The following PAK4 variants were observed in gnomAD, a reference collection of about 807,000 sequenced individuals.
The protein encoded by PAK4 is serine/threonine-protein kinase PAK 4.
Under a neutral mutation model 53.5 loss-of-function variants are expected in PAK4, and 49 were observed. The observed-to-expected ratio is 0.92, with a 90% confidence interval of 0.73 to 1.16. The LOEUF is 1.16. Ranked by LOEUF, PAK4 falls within the 50% of genes most tolerant of loss-of-function variation. PAK4 has a pLI of 0.00. For missense variants in PAK4, 824 were observed against 850.7 expected (o/e 0.97, Z 0.39); for synonymous variants, 376 against 375.6 (o/e 1.00, Z -0.01).
At chr19:39,181,928 C>T (rs2074704077), downstream of PAK4, 1 of 152,182 alleles carries the variant, frequency 6.6e-6, no homozygotes, top group South Asian at 2.1e-4. Context: ...AGTGTGGTTC[C>T]CAGACCAGCA....
intron 1 of PAK4, among the ~76,000 whole-genome samples, chr19:39,151,278 C>T (rs2074089837): frequency 6.6e-6 from 1 of 152,166 alleles, no homozygotes; most frequent in Admixed American, 6.6e-5. Context: ...ATGCTCAACC[C>T]TACTAAATAG....
chr19:39,171,036 G>C (rs1027662201), intron 2 of PAK4, among the ~76,000 whole-genome samples: 5 of 152,218 alleles, frequency 3.3e-5, no homozygotes, highest in African/African-American at 1.2e-4. Flanking sequence ...CCCAGCCCCT[G>C]CCTGGCTTGC....
At chr19:39,154,005 T>C (rs1213501821) in intron 1 of PAK4, among the ~76,000 whole-genome samples, 4 of 152,172 alleles carry the variant, frequency 2.6e-5, no homozygotes, top group African/African-American at 9.7e-5. Context: ...GGATGGAGTA[T>C]TGTTCGATGT....
chr19:39,174,034 CCCT>C, intron 4 of PAK4, 24 bp downstream of exon 5: 1 of 1,472,456 alleles, frequency 6.8e-7, no homozygotes, highest in South Asian at 1.3e-5. Context: ...TGCCCTGCCG[CCCT>C]GCTGGTCCTC....
At chr19:39,126,086 G>T (rs1430912909) in intron 1 of PAK4, among the ~76,000 whole-genome samples, 167 bp downstream of exon 1, 1 of 152,148 alleles carries the variant, frequency 6.6e-6, no homozygotes, top group Non-Finnish European at 1.5e-5. Flanking sequence ...GAGTTGTAGT[G>T]GAGGTCGGAG....
intron 2 of PAK4, among the ~76,000 whole-genome samples, chr19:39,171,111 C>T (rs2144831085): frequency 1.3e-5 from 2 of 152,334 alleles, no homozygotes; most frequent in Admixed American, 1.3e-4. Flanking sequence ...ACACATGGGG[C>T]CTTGTGGCCA....
At chr19:39,140,575 G>T (rs2073892728) in intron 1 of PAK4, among the ~76,000 whole-genome samples, 1 of 152,220 alleles carries the variant, frequency 6.6e-6, no homozygotes, top group Non-Finnish European at 1.5e-5. Flanking sequence ...TGCAACAAAG[G>T]TTTGTGCTAG....
In PAK4 at chr19:39,175,123, G is replaced by T. The variant is rs886878582; in HGVS notation, c.1232+59G>T. ...CGACCAAGTCCCCTCCAGACCACTA[G>T]GGGTGGGGCCACATCTCCAAACCAG... On this transcript the variant is annotated intron_variant, in intron 5 of 8. Transcript: ENST00000358301. This position sits in a 1 kb window ranked among gnomAD's most constrained non-coding sequence, Gnocchi z 4.7. 1.3e-5 allele frequency: 21 copies of T among 1,557,156 alleles called. No homozygotes were observed. The Middle Eastern group carries it at 5.9e-4, about 44-fold the overall frequency.
intron 1 of PAK4, among the ~76,000 whole-genome samples, chr19:39,158,456 C>CG (rs1356844062): frequency 6.6e-6 from 1 of 152,198 alleles, no homozygotes; most frequent in Non-Finnish European, 1.5e-5. Context: ...CCCCTTCCCC[C>CG]TGCCCAGCCT....
rs199572591 is a variant in PAK4 at position 39,178,419 on chromosome 19, G to A, written c.1621-5G>A. 29 of 1,579,662 alleles carry A rather than the reference G, an allele frequency of 1.8e-5. No individual in the cohort carries two copies. The Middle Eastern group carries it at 5.0e-4, about 27-fold the overall frequency. On this transcript the variant is annotated splice_polypyrimidine_tract_variant and splice_region_variant and intron_variant, in intron 8 of 8. Coordinates refer to ENST00000358301, the Ensembl canonical transcript of PAK4. The surrounding 1 kb of genome is among the most constrained non-coding windows in gnomAD (Gnocchi z 4.4). ...GCCCCCTGACCCTCCCCTCCTTCTC[G>A]ACAGGTGTCGCCATCCCTGAAGGGC...
chr19:39,175,509 C>T lies in PAK4; in HGVS notation c.1359+71C>T. 2.0e-6 allele frequency: 3 copies of T among 1,475,992 alleles called. No homozygotes were observed. The highest frequency in any genetic ancestry group is 4.0e-5 in the Admixed American group (2 of 50,300). The allele number at this position is 1,475,992 out of a possible 1,614,324, so 91.4% of individuals were successfully genotyped here. ...GCGGGGCTTCCCTGCCTCTTCCCAT[C>T]CCCTGTGAGGGTAGGTGAGCTCTGA... On this transcript the variant is annotated intron_variant, in intron 6 of 8. Coordinates refer to ENST00000358301, the Ensembl canonical transcript of PAK4. This position sits in a 1 kb window ranked among gnomAD's most constrained non-coding sequence, Gnocchi z 4.7.
Position 39,173,480 on chromosome 19 carries a change from C to A in PAK4, c.664-96C>A. On this transcript the variant is annotated intron_variant, in intron 3 of 8. Coordinates refer to ENST00000358301, the Ensembl canonical transcript of PAK4. The surrounding 1 kb of genome is among the most constrained non-coding windows in gnomAD (Gnocchi z 6.9). Reference sequence around the variant, plus strand: ...CCACCGTGCATCTCATCCTGACCACCCATGTGTCTGTCCCATCGCTGGGTC... The same window carrying A: ...CCACCGTGCATCTCATCCTGACCACACATGTGTCTGTCCCATCGCTGGGTC... 7.4e-7 allele frequency: 1 copy of A among 1,345,196 alleles called. No individual in the cohort carries two copies. Among genetic ancestry groups the A allele is most frequent in the Non-Finnish European group, 1.0e-6 (1 of 988,962 alleles). 83.3% of individuals were successfully genotyped at this position (1,345,196 alleles called of 1,614,324 possible).
chr19:39,174,001 C>G (rs2046557757), exon 4 of PAK4: 1 of 1,592,462 alleles, frequency 6.3e-7, no homozygotes, highest in Non-Finnish European at 8.5e-7. Context: ...GCGAGCTGCT[C>G]TTCAACGAGG....
At chr19:39,176,201 A>G (rs1166451791) in intron 6 of PAK4, among the ~76,000 whole-genome samples, 2 of 152,234 alleles carry the variant, frequency 1.3e-5, no homozygotes, top group South Asian at 2.1e-4. Flanking sequence ...GCCCTAGTGC[A>G]GGGCTACTTT....
chr19:39,164,297 AAG>A (rs2074333366), intron 1 of PAK4, among the ~76,000 whole-genome samples: 1 of 150,720 alleles, frequency 6.6e-6, no homozygotes, highest in South Asian at 2.1e-4. Context: ...AAAAAAAAAA[AAG>A]AATTATACAC....
intron 1 of PAK4, among the ~76,000 whole-genome samples, chr19:39,141,536 G>A (rs1197035067): frequency 6.6e-6 from 1 of 151,996 alleles, no homozygotes. Flanking sequence ...GGCTGGTCTT[G>A]AAGTCCTGAC....
At chr19:39,130,156 T>TGTGGGGGGGACCCAGGCAGA (rs2073675934) in intron 1 of PAK4, among the ~76,000 whole-genome samples, 1 of 23,238 alleles carries the variant, frequency 4.3e-5, no homozygotes, top group Admixed American at 4.3e-4. Flanking sequence ...GGGGTCAGGG[T>TGTGGGGGGGACCCAGGCAGA]GGGGTGGTGG....
At chr19:39,152,299 A>G (rs1468330674) in intron 1 of PAK4, 3 of 151,920 alleles carry the variant, frequency 2.0e-5, no homozygotes, top group East Asian at 3.9e-4. Context: ...CTTACCCCAC[A>G]TATCCATGGT....
At chr19:39,138,440 C>G (rs1269416729) in intron 1 of PAK4, among the ~76,000 whole-genome samples, 1 of 152,256 alleles carries the variant, frequency 6.6e-6, no homozygotes, top group African/African-American at 2.4e-5. Context: ...TGCGCACACA[C>G]CTGACACTGA....
Sources: allele counts gnomAD v4.1 joint callset (sites outside exome capture counted in the v4.1 genomes callset), GRCh38; gene constraint gnomAD v4.1.1; non-coding constraint Gnocchi (gnomAD v3.1); transcripts MANE v1.5; gene names NCBI Gene and HGNC (gene_info 2026-07-23, HGNC 2026-07-21).